The following MTMR10 variants were observed in gnomAD, a reference collection of about 807,000 sequenced individuals.
MTMR10 encodes the protein myotubularin related protein 10, also known as myotubularin-related protein 10.
MTMR10 carries 56 observed loss-of-function variants against 88.1 expected under a neutral mutation model. That is an observed-to-expected ratio of 0.64 (90% CI 0.51 to 0.79). The LOEUF is 0.79. Among genes scored for constraint, MTMR10 ranks in the 30% least tolerant of loss-of-function variants. The pLI, the probability that MTMR10 is intolerant of heterozygous loss-of-function variation, is 0.00. For synonymous variants in MTMR10, 380 were observed against 340.9 expected, an observed-to-expected ratio of 1.11 and a Z score of -1.26; for missense variants, 883 against 924.7, an observed-to-expected ratio of 0.95 and a Z score of 0.58.
chr15:30,948,134 T>C (rs967168325), intron 13 of MTMR10, among the ~76,000 whole-genome samples, 168 bp downstream of exon 13: 1 of 152,254 alleles, frequency 6.6e-6, no homozygotes, highest in African/African-American at 2.4e-5. Flanking sequence ...CGATAATCTT[T>C]ATAATAAGTA....
At position 30,941,717 on chromosome 15, in the gene MTMR10, A is replaced by G. The variant is rs2063061216; in HGVS notation, c.2087T>C (p.Leu696Pro). 1 of 1,613,962 alleles carries G rather than the reference A, an allele frequency of 6.2e-7. No individual in the cohort carries two copies. Among genetic ancestry groups the G allele is most frequent in the African/African-American group, 1.3e-5 (1 of 75,054 alleles). Residue 696 changes from leucine (L) to proline (P), a missense_variant, in exon 16 of 16, where the codon CTG (leucine) becomes CCG (proline). Transcript: ENST00000435680. ...ADEVDVLSRM[L>P]RQQRSGPLEA... Reference sequence around the variant, plus strand: ...CAGGGGGCCACTGCGCTGTTGCCGCAGCATCCTGCTCAGTACGTCGACTTC... The same window carrying G: ...CAGGGGGCCACTGCGCTGTTGCCGCGGCATCCTGCTCAGTACGTCGACTTC...
At chr15:30,965,651 A>G (rs773760397) in intron 6 of MTMR10, among the ~76,000 whole-genome samples, 2 of 152,216 alleles carry the variant, frequency 1.3e-5, no homozygotes, top group Non-Finnish European at 2.9e-5. Flanking sequence ...GTGCAAAGCG[A>G]TGTTCCAAAG....
At chr15:30,954,134 C>A (rs2063288353) in intron 10 of MTMR10, among the ~76,000 whole-genome samples, 1 of 152,164 alleles carries the variant, frequency 6.6e-6, no homozygotes, top group Non-Finnish European at 1.5e-5. Flanking sequence ...CATAATCATT[C>A]AGGACACTAG....
At chr15:30,975,277 A>G (rs2030039359) in intron 3 of MTMR10, among the ~76,000 whole-genome samples, 1 of 152,214 alleles carries the variant, frequency 6.6e-6, no homozygotes, top group South Asian at 2.1e-4. Flanking sequence ...TGGCCACAAC[A>G]TATTAAAGAA....
chr15:30,970,672 C>T (rs2063527084), intron 5 of MTMR10, among the ~76,000 whole-genome samples: 2 of 152,144 alleles, frequency 1.3e-5, no homozygotes, highest in Admixed American at 6.5e-5. Flanking sequence ...AAGAAATTCA[C>T]AGATCATTGA....
Position 30,974,964 on chromosome 15 carries a change from C to A in MTMR10, c.298G>T (p.Val100Phe). ...ATTTGCTCAATACATGTTAAAGGGACATCGTGTTCACCAAGAAGAAGGTTT... is the reference window on the plus strand; with the variant it reads ...ATTTGCTCAATACATGTTAAAGGGAAATCGTGTTCACCAAGAAGAAGGTTT... ...YRNLLLGEHD[V>F]PLTCIEQIVT... Residue 100 changes from valine (V) to phenylalanine (F), a missense_variant, in exon 4 of 16, where the codon GTC becomes TTC. Transcript: ENST00000435680. 6.3e-7 allele frequency: 1 copy of A among 1,578,446 alleles called. No individual in the cohort carries two copies.
rs779931049 is a variant in MTMR10, at chr15:30,954,888, C to A, written c.941G>T (p.Cys314Phe). The change falls in exon 10 of 16, where the codon TGT (cysteine) becomes TTT (phenylalanine). Residue 314 changes from cysteine (C) to phenylalanine (F), a missense_variant. This residue lies in a region of MTMR10 where 414 missense variants were observed against 423.2 expected (regional missense o/e 0.98). Transcript: ENST00000435680. ...LQQRKIDQRI[C>F]NAITKSHPQR... Reference sequence around the variant, plus strand: ...TGGGTGACTTTTAGTTATTGCATTACAAATCCTAATAAAGACAAAAATACT... The same window carrying A: ...TGGGTGACTTTTAGTTATTGCATTAAAAATCCTAATAAAGACAAAAATACT... 6.5e-7 allele frequency: 1 copy of A among 1,546,168 alleles called. No homozygotes were observed. The highest frequency in any genetic ancestry group is 2.4e-5 in the East Asian group (1 of 41,264).
chr15:30,965,784 T>C (rs2063465715), intron 6 of MTMR10: 1 of 303,676 alleles, frequency 3.3e-6, no homozygotes, highest in Non-Finnish European at 6.5e-6. Context: ...CCTGAGTGAC[T>C]AAGGCCAGCT....
chr15:30,975,043 A>G (rs769852516), intron 3 of MTMR10, 40 bp from the exon 4 acceptor site: 86 of 1,384,086 alleles, frequency 6.2e-5, no homozygotes, highest in Non-Finnish European at 8.1e-5. Flanking sequence ...TCTTTTCCCA[A>G]TAATCTCACA....
At chr15:30,928,169 A>G in the MTMR10 span, 1 of 1,012,524 alleles carries the variant, frequency 9.9e-7, no homozygotes, top group Non-Finnish European at 1.2e-6. Context: ...CAGGGCCTGC[A>G]TGGGGATTCT....
Position 30,958,931 on chromosome 15 carries a change from A to G in MTMR10, c.867T>C (p.Ser289=). The G allele has an allele frequency of 6.2e-7, 1 of 1,614,048 alleles. No individual in the cohort carries two copies. Among genetic ancestry groups the G allele is most frequent in the Non-Finnish European group, 8.5e-7 (1 of 1,179,894 alleles). Residue 289 remains serine, a synonymous_variant, in exon 9 of 16, where the codon TCT becomes TCC. Coordinates refer to ENST00000435680, the MANE Select transcript of MTMR10 (RefSeq NM_017762.3). ...RRMPLWCWSH[S]NGSALVRMAL... ...CCATTCGCACAAGAGCACTGCCGTTAGAGTGGCTCCAGCACCAGAGCTAGG... is the reference window on the plus strand; with the variant it reads ...CCATTCGCACAAGAGCACTGCCGTTGGAGTGGCTCCAGCACCAGAGCTAGG...
chr15:30,943,341 GTTA>G (rs2063113644), intron 14 of MTMR10: 1 of 985,170 alleles, frequency 1.0e-6, no homozygotes. Context: ...CAATAAGAAT[GTTA>G]TTAAGAGAAG....
At chr15:30,973,282 A>G (rs2063558884) in intron 5 of MTMR10, among the ~76,000 whole-genome samples, 1 of 152,120 alleles carries the variant, frequency 6.6e-6, no homozygotes, top group Non-Finnish European at 1.5e-5. Flanking sequence ...TTTTACCCAT[A>G]GAGGAGCCTA....
intron 4 of MTMR10, 145 bp from the exon 5 acceptor site, chr15:30,974,601 C>G: frequency 1.2e-6 from 1 of 833,060 alleles, no homozygotes; most frequent in Non-Finnish European, 1.7e-6. Flanking sequence ...ACTTGTAATT[C>G]CTAGAACTTG....
chr15:30,968,273 A>G (rs2063495248), intron 5 of MTMR10: 1 of 294,942 alleles, frequency 3.4e-6, no homozygotes, highest in East Asian at 5.7e-5. Context: ...TTTAATTGGA[A>G]AGTAATTTTA....
At chr15:30,935,650 G>C (rs1334050795), downstream of MTMR10, among the ~76,000 whole-genome samples, 1 of 152,138 alleles carries the variant, frequency 6.6e-6, no homozygotes, top group African/African-American at 2.4e-5. Flanking sequence ...GGGGGTCCTT[G>C]AATCAGTCCC....
At chr15:30,942,378 G>A (rs1478218331) in intron 15 of MTMR10, 9 of 393,314 alleles carry the variant, frequency 2.3e-5, no homozygotes, top group South Asian at 8.3e-5. Flanking sequence ...AGACCTGGCC[G>A]ATTCTATCAA....
chr15:30,928,296 T>C, the MTMR10 span: 7 of 1,267,520 alleles, frequency 5.5e-6, no homozygotes, highest in Admixed American at 1.2e-4. Flanking sequence ...CACTGCTTTG[T>C]GGCTTTGAAA....
chr15:30,918,718 T>C, the MTMR10 span, among the ~76,000 whole-genome samples: 4 of 152,208 alleles, frequency 2.6e-5, no homozygotes, highest in Admixed American at 2.0e-4. Context: ...AAGCGAACTT[T>C]CCAGGTACAC....
Sources: gnomAD v4.1 joint callset for allele counts (sites outside exome capture counted in the v4.1 genomes callset) on GRCh38, gnomAD v4.1.1 for gene constraint, gnomAD v4.1.1 regional missense constraint, MANE v1.5 for transcripts, NCBI Gene and HGNC (gene_info 2026-07-23, HGNC 2026-07-21) for gene names.